CLCN4: variants seen among roughly 807,000 people sequenced by gnomAD.
CLCN4 encodes the protein Cl-/H+ antiporter 4.
CLCN4 carries 1 observed loss-of-function variant against 41.7 expected under a neutral mutation model. The ratio of observed to expected loss-of-function variants is 0.02; its 90% confidence interval spans 0.01 to 0.11. CLCN4 has a LOEUF of 0.11. Among genes scored for constraint, CLCN4 ranks in the 10% least tolerant of loss-of-function variants. The pLI, the probability that CLCN4 is intolerant of heterozygous loss-of-function variation, is 1.00. For missense variants in CLCN4, 287 were observed against 661.0 expected, an observed-to-expected ratio of 0.43 and a Z score of 6.20; for synonymous variants, 277 against 285.8, an observed-to-expected ratio of 0.97 and a Z score of 0.31.
At chrX:10,178,826 C>A (rs1923600438) in intron 2 of CLCN4, among the ~76,000 whole-genome samples, 1 of 111,490 alleles carries the variant, frequency 9.0e-6, no homozygotes, top group Non-Finnish European at 1.9e-5. Flanking sequence ...AGTAAAAAAA[C>A]AAACAAAAAA....
chrX:10,169,203 A>T (rs185465959), intron 2 of CLCN4, among the ~76,000 whole-genome samples: 56 of 111,826 alleles, frequency 5.0e-4, no homozygotes, highest in African/African-American at 1.7e-3. Context: ...GTGTATCTAC[A>T]TTTATTTCCG....
At chrX:10,230,351 G>A (rs1043144732) in intron 12 of CLCN4, among the ~76,000 whole-genome samples, 3 of 112,030 alleles carry the variant, frequency 2.7e-5, no homozygotes, top group Non-Finnish European at 5.6e-5. Flanking sequence ...TAATGAGACC[G>A]GGGCCCACTA....
chrX:10,205,460 A>AAAG (rs1924357445), intron 6 of CLCN4, among the ~76,000 whole-genome samples: 1 of 93,687 alleles, frequency 1.1e-5, no homozygotes, highest in African/African-American at 4.1e-5. Context: ...GCAACAGTGC[A>AAAG]AGACTCCATC....
intron 2 of CLCN4, among the ~76,000 whole-genome samples, chrX:10,179,313 C>T (rs1294044866): frequency 9.0e-6 from 1 of 111,369 alleles, no homozygotes; most frequent in Non-Finnish European, 1.9e-5. Flanking sequence ...ATCCCAGGGT[C>T]CTGGCTTTTG....
chrX:10,226,971 A>G (rs767503114), intron 12 of CLCN4, among the ~76,000 whole-genome samples: 1 of 110,959 alleles, frequency 9.0e-6, no homozygotes, highest in Non-Finnish European at 1.9e-5. Flanking sequence ...CAGAGGTACA[A>G]AGAGGAACTG....
At chrX:10,232,287 G>T (rs1202414355) in intron 12 of CLCN4, among the ~76,000 whole-genome samples, 2 of 112,279 alleles carry the variant, frequency 1.8e-5, no homozygotes, top group African/African-American at 6.5e-5. Context: ...AGGTGTAACT[G>T]ATTTGAATAC....
intron 11 of CLCN4, among the ~76,000 whole-genome samples, chrX:10,216,879 A>ATGTG (rs201751237): frequency 0.15 from 3,577 of 23,635 alleles, 469 homozygotes; most frequent in East Asian, 0.76. Flanking sequence ...TCTGTTGGGG[A>ATGTG]TGTGTGTGTG....
intron 2 of CLCN4, among the ~76,000 whole-genome samples, chrX:10,178,863 CAA>C (rs1923602117): frequency 8.9e-6 from 1 of 111,860 alleles, no homozygotes; most frequent in Non-Finnish European, 1.9e-5. Context: ...AAAAACAAAA[CAA>C]AAACATTAAA....
At chrX:10,176,798 G>A (rs940593687) in intron 2 of CLCN4, among the ~76,000 whole-genome samples, 13 of 112,607 alleles carry the variant, frequency 1.2e-4, no homozygotes, top group Admixed American at 1.1e-3. Flanking sequence ...GGGAATACTG[G>A]CATAAACATT....
chrX:10,189,885 G>C (rs1385624960), intron 4 of CLCN4, among the ~76,000 whole-genome samples: 1 of 112,289 alleles, frequency 8.9e-6, no homozygotes, highest in African/African-American at 3.2e-5. Context: ...TGCAGTAGGG[G>C]GGTTGTGAAT....
chrX:10,226,008 A>G (rs142346119), intron 12 of CLCN4, among the ~76,000 whole-genome samples: 2,434 of 111,548 alleles, frequency 0.022, 17 homozygotes, highest in Non-Finnish European at 0.032. Flanking sequence ...GTTGGGTGGC[A>G]TGATGCCTCC....
intron 2 of CLCN4, among the ~76,000 whole-genome samples, chrX:10,174,162 G>T (rs1923458498): frequency 8.9e-6 from 1 of 112,091 alleles, no homozygotes; most frequent in Admixed American, 9.4e-5. Flanking sequence ...TGGTAGGGTT[G>T]GTGGTTCCAA....
intron 3 of CLCN4, 68 bp downstream of exon 3, chrX:10,185,244 C>G: frequency 9.0e-7 from 1 of 1,108,542 alleles, no homozygotes; most frequent in East Asian, 3.1e-5. Context: ...AGTTACTGAG[C>G]TGGGGCTTAG....
intron 12 of CLCN4, among the ~76,000 whole-genome samples, chrX:10,223,900 T>C (rs1924919528): frequency 8.9e-6 from 1 of 112,029 alleles, no homozygotes; most frequent in Non-Finnish European, 1.9e-5. Flanking sequence ...ATGTCCTTGG[T>C]CATAGATCTG....
chrX:10,194,800 C>T, intron 4 of CLCN4, 111 bp from the exon 5 acceptor site: 2 of 715,989 alleles, frequency 2.8e-6, no homozygotes, highest in South Asian at 5.2e-5. Context: ...ATTGCCTGCT[C>T]TGGAATCTGG....
At chrX:10,188,501 T>C (rs2147169053) in intron 4 of CLCN4, among the ~76,000 whole-genome samples, 1 of 112,033 alleles carries the variant, frequency 8.9e-6, no homozygotes, top group South Asian at 3.7e-4. Flanking sequence ...CCAGAGTAAA[T>C]GGATGCTATC....
intron 2 of CLCN4, among the ~76,000 whole-genome samples, chrX:10,162,035 T>TTTTTTTA (rs1923122429): frequency 1.3e-5 from 1 of 79,837 alleles, no homozygotes; most frequent in African/African-American, 4.6e-5. Flanking sequence ...TTTTTTTTTT[T>TTTTTTTA]GAGACAGAGT....
intron 9 of CLCN4, among the ~76,000 whole-genome samples, chrX:10,211,407 C>G (rs765112633): frequency 9.0e-6 from 1 of 110,923 alleles, no homozygotes; most frequent in South Asian, 3.8e-4. Context: ...TGTCTCTGAT[C>G]TGTCATCTCC....
intron 2 of CLCN4, among the ~76,000 whole-genome samples, chrX:10,182,467 G>C (rs2051685): frequency 0.34 from 38,038 of 111,400 alleles, 5,059 homozygotes; most frequent in African/African-American, 0.48. Context: ...GCTCTGTCGC[G>C]CATGCTGGAG....
Sources: gnomAD v4.1 joint callset for allele counts (sites outside exome capture counted in the v4.1 genomes callset) on GRCh38, gnomAD v4.1.1 for gene constraint, MANE v1.5 for transcripts, NCBI Gene and HGNC (gene_info 2026-07-23, HGNC 2026-07-21) for gene names.